Variants in SCEL observed in about 807,000 individuals in gnomAD.
The protein encoded by SCEL is sciellin.
SCEL carries 113 observed loss-of-function variants against 117.6 expected under a neutral mutation model. That is an observed-to-expected ratio of 0.96 (90% CI 0.83 to 1.12). The LOEUF (loss-of-function observed/expected upper bound fraction) is 1.12. SCEL is among the 50% of genes most tolerant of loss of function. The pLI is 0.00. For missense variants in SCEL, 785 were observed against 810.8 expected (o/e 0.97, Z 0.39); for synonymous variants, 270 against 256.2 (o/e 1.05, Z -0.51).
intron 27 of SCEL, among the ~76,000 whole-genome samples, chr13:77,618,534 G>A (rs929706715): frequency 6.6e-6 from 1 of 151,460 alleles, no homozygotes; most frequent in African/African-American, 2.4e-5. Flanking sequence ...TTCTTTTGAA[G>A]GCTTTTAGTT....
At chr13:77,602,596 G>A in intron 16 of SCEL, 58 bp from the exon 17 acceptor site, 3 of 1,443,464 alleles carry the variant, frequency 2.1e-6, no homozygotes, top group South Asian at 2.3e-5. Flanking sequence ...TGATTATACA[G>A]ATTTCAGAGA....
chr13:77,549,780 A>AATT (rs1196971617), intron 1 of SCEL, among the ~76,000 whole-genome samples: 5 of 152,198 alleles, frequency 3.3e-5, no homozygotes, highest in Non-Finnish European at 7.3e-5. Context: ...CACAATTATG[A>AATT]ATGATCCACG....
Position 77,572,163 on chromosome 13 carries a change from C to G in SCEL, c.519C>G (p.Ala173=), listed in dbSNP as rs910550006. ...CACCGCCCCCTCCAGGTTACAATGCCTCCTCGAGCACAGGAACCAGGAGAC... is the reference window on the plus strand; with the variant it reads ...CACCGCCCCCTCCAGGTTACAATGCGTCCTCGAGCACAGGAACCAGGAGAC... The part of the protein sequence containing the change: ...WFPPPPPGYN[A]SSSTGTRRRE... Residue 173 remains alanine (A), a synonymous_variant, in exon 9 of 33, where the codon GCC becomes GCG. Coordinates refer to ENST00000349847, the MANE Select transcript of SCEL (RefSeq NM_144777.3). The G allele has an allele frequency of 2.5e-5, 41 of 1,612,210 alleles. No individual in the cohort carries two copies. The highest frequency in any genetic ancestry group is 3.4e-5 in the Non-Finnish European group (40 of 1,179,116).
intron 5 of SCEL, among the ~76,000 whole-genome samples, chr13:77,565,938 A>T (rs1048184728): frequency 2.0e-5 from 3 of 152,202 alleles, no homozygotes; most frequent in African/African-American, 7.2e-5. Flanking sequence ...TTGGTATTTC[A>T]AGTCTCCAAG....
At chr13:77,579,498 T>G (rs2086146777) in intron 9 of SCEL, among the ~76,000 whole-genome samples, 1 of 152,226 alleles carries the variant, frequency 6.6e-6, no homozygotes, top group Non-Finnish European at 1.5e-5. Flanking sequence ...TCTTCCTCTC[T>G]GTGTTTCTCC....
chr13:77,611,092 G>T (rs2088616028), intron 22 of SCEL, among the ~76,000 whole-genome samples: 1 of 152,134 alleles, frequency 6.6e-6, no homozygotes, highest in Non-Finnish European at 1.5e-5. Flanking sequence ...ATCAAACAGA[G>T]CTTATTTAGA....
intron 17 of SCEL, 92 bp downstream of exon 17, chr13:77,602,805 C>G: frequency 3.6e-6 from 4 of 1,111,336 alleles, no homozygotes; most frequent in Admixed American, 1.8e-5. Context: ...TTTGGCTTCT[C>G]TCTTCTGTGT....
At chr13:77,598,305 C>T (rs1196920061) in intron 13 of SCEL, among the ~76,000 whole-genome samples, 2 of 152,040 alleles carry the variant, frequency 1.3e-5, no homozygotes, top group Non-Finnish European at 2.9e-5. Context: ...GCATACTAAC[C>T]CACTAAACAG....
intron 9 of SCEL, among the ~76,000 whole-genome samples, chr13:77,579,226 C>T (rs2086128715): frequency 6.6e-6 from 1 of 152,146 alleles, no homozygotes; most frequent in Non-Finnish European, 1.5e-5. Context: ...ATCTTTGATT[C>T]TCATTTAGCA....
intron 10 of SCEL, among the ~76,000 whole-genome samples, chr13:77,590,639 T>A (rs760179596): frequency 1.3e-5 from 2 of 152,086 alleles, no homozygotes; most frequent in African/African-American, 2.4e-5. Context: ...ATTTCTTTAT[T>A]CTACCAATGA....
rs544441845 is a variant in SCEL at position 77,609,975 on chromosome 13, T to C, written c.1278-72T>C. 8.2e-6 allele frequency: 7 copies of C among 856,416 alleles called. No individual in the cohort carries two copies. The Admixed American group carries it at 8.3e-5, about 10-fold the overall frequency. The allele number at this position is 856,416 out of a possible 1,614,324, so 53.1% of individuals were successfully genotyped here. On this transcript the variant is annotated intron_variant, in intron 21 of 32. Coordinates refer to ENST00000349847, the MANE Select transcript of SCEL (RefSeq NM_144777.3). ...ATAAATATTTTATAATAAAAGTATT[T>C]CTCTGTTTTAACAAACACTTGAAAC...
At chr13:77,640,411 T>C (rs963600194) in intron 30 of SCEL, among the ~76,000 whole-genome samples, 49 of 152,150 alleles carry the variant, frequency 3.2e-4, no homozygotes, top group African/African-American at 1.1e-3. Flanking sequence ...AACATCTTTG[T>C]CCCACCCAGA....
In SCEL at chr13:77,582,962, C is replaced by T. The variant is rs182829138; in HGVS notation, c.546-6182C>T. 2.0e-3 allele frequency among the ~76,000 whole-genome samples: 300 copies of T among 152,258 alleles called. 1 individual carries two copies. The highest frequency in any genetic ancestry group is 7.0e-3 in the African/African-American group (292 of 41,558). Reference sequence around the variant, plus strand: ...TATTTTTATGTCTTTGAGAAAACATCTAAGGACAAAAAGCTGCTATGACTT... The same window carrying T: ...TATTTTTATGTCTTTGAGAAAACATTTAAGGACAAAAAGCTGCTATGACTT... On this transcript the variant is annotated intron_variant, in intron 9 of 32. Coordinates refer to ENST00000349847, the MANE Select transcript of SCEL (RefSeq NM_144777.3).
intron 5 of SCEL, among the ~76,000 whole-genome samples, chr13:77,566,991 T>G (rs1223452946): frequency 6.6e-6 from 1 of 152,180 alleles, no homozygotes; most frequent in Non-Finnish European, 1.5e-5. Context: ...AAACACATAA[T>G]ATTGTTTATG....
intron 1 of SCEL, among the ~76,000 whole-genome samples, chr13:77,537,468 G>A (rs1324474372): frequency 1.3e-5 from 2 of 152,180 alleles, no homozygotes; most frequent in African/African-American, 4.8e-5. Flanking sequence ...TGGTTACCCA[G>A]CACATGTGGA....
chr13:77,538,741 T>A (rs1427866053), intron 1 of SCEL, among the ~76,000 whole-genome samples: 2 of 152,350 alleles, frequency 1.3e-5, no homozygotes, highest in East Asian at 3.9e-4. Flanking sequence ...ATAGTATACT[T>A]GATAGCTCTA....
At chr13:77,627,617 G>T (rs1445746714) in intron 27 of SCEL, among the ~76,000 whole-genome samples, 3 of 151,980 alleles carry the variant, frequency 2.0e-5, no homozygotes, top group Admixed American at 1.3e-4. Flanking sequence ...CACATACCCT[G>T]AAACTTTGTA....
At chr13:77,578,157 T>C (rs2086061370) in intron 9 of SCEL, among the ~76,000 whole-genome samples, 1 of 152,122 alleles carries the variant, frequency 6.6e-6, no homozygotes, top group Non-Finnish European at 1.5e-5. Context: ...CAATCATCAT[T>C]GCAGCGAGTT....
chr13:77,593,259 A>AGTGTGTGTGT (rs4052543), intron 11 of SCEL, among the ~76,000 whole-genome samples: 1,704 of 111,118 alleles, frequency 0.015, 26 homozygotes, highest in East Asian at 0.043. Flanking sequence ...AACAGAGGGG[A>AGTGTGTGTGT]GTGTGTGTGT....
Sources: allele counts gnomAD v4.1 joint callset (sites outside exome capture counted in the v4.1 genomes callset), GRCh38; gene constraint gnomAD v4.1.1; transcripts MANE v1.5; gene names NCBI Gene and HGNC (gene_info 2026-07-23, HGNC 2026-07-21).